NR4A2: variants seen among roughly 807,000 people sequenced by gnomAD.
The protein encoded by NR4A2 is NGFI-B/nur77 beta-type transcription factor homolog.
A neutral mutation model predicts 50.5 loss-of-function variants in NR4A2; 1 was observed. The observed-to-expected ratio is 0.02, with a 90% CI of 0.01 to 0.09. The LOEUF (loss-of-function observed/expected upper bound fraction) is 0.09. NR4A2 is among the 10% of genes least tolerant of loss of function. The pLI, the probability that NR4A2 is intolerant of heterozygous loss-of-function variation, is 1.00. For synonymous variants in NR4A2, 328 were observed against 309.4 expected (o/e 1.06, Z -0.63); for missense variants, 613 against 777.3 (o/e 0.79, Z 2.51).
Position 156,329,834 on chromosome 2 carries a change from C to T in NR4A2, c.353G>A (p.Gly118Glu). 1 of 1,614,136 alleles carries T rather than the reference C, an allele frequency of 6.2e-7. No individual in the cohort carries two copies. Among genetic ancestry groups the T allele is most frequent in the South Asian group, 1.1e-5 (1 of 91,076 alleles). Residue 118 changes from glycine to glutamate, a missense_variant, in exon 3 of 8, where the codon GGG becomes GAG. Physicochemically the swap from Gly to Glu is moderately conservative, Grantham distance 98. Coordinates refer to ENST00000339562, the MANE Select transcript of NR4A2 (RefSeq NM_006186.4). This position sits in a 1 kb window ranked among gnomAD's most constrained non-coding sequence, Gnocchi z 7.5. ...PQSEEMMPHS[G>E]SVYYKPSSPP... is the part of the protein sequence containing the mutation. Reference sequence around the variant, plus strand: ...CGAGGAGGGCTTGTAGTAAACCGACCCGGAGTGCGGCATCATCTCCTCAGA... The same window carrying T: ...CGAGGAGGGCTTGTAGTAAACCGACTCGGAGTGCGGCATCATCTCCTCAGA...
At chr2:156,331,140 A>G (rs1454000997) in intron 1 of NR4A2, among the ~76,000 whole-genome samples, 2 of 152,204 alleles carry the variant, frequency 1.3e-5, no homozygotes, top group African/African-American at 4.8e-5. Context: ...GGACCTGAGT[A>G]TGAAGACTAG....
At position 156,327,029 on chromosome 2, in the gene NR4A2, C is replaced by A. The variant is rs921238551; in HGVS notation, c.1159-109G>T. 5 of 978,672 alleles carry A rather than the reference C, an allele frequency of 5.1e-6. No individual in the cohort carries two copies. In the East Asian group the frequency reaches 9.9e-5, roughly 19 times the overall value. The allele number at this position is 978,672 out of a possible 1,614,324, so 60.6% of individuals were successfully genotyped here. On this transcript the variant is annotated intron_variant, in intron 5 of 7. Transcript: ENST00000339562. ...GAGCCAGGTTTTTATAACAATTAAA[C>A]CTCTCTCTGACCAGTAAGGAAATTA...
Position 156,329,859 on chromosome 2 carries a change from A to T in NR4A2, c.328T>A (p.Ser110Thr), listed in dbSNP as rs1487213200. The T allele has an allele frequency of 1.2e-6, 2 of 1,614,054 alleles. No homozygotes were observed. The highest frequency in any genetic ancestry group is 2.2e-5 in the South Asian group (2 of 91,068). ...YQQHSHLPPQ[S>T]EEMMPHSGSV... ...CCGGAGTGCGGCATCATCTCCTCAG[A>T]CTGGGGGGGCAGGTGGCTGTGTTGC... is the stretch of plus-strand genomic sequence containing the variant. Residue 110 changes from serine (S) to threonine (T), a missense_variant, in exon 3 of 8, where the codon TCT (serine) becomes ACT (threonine). Ser to Thr is a moderately conservative substitution (Grantham distance 58). Transcript: ENST00000339562. The surrounding 1 kb of genome is among the most constrained non-coding windows in gnomAD (Gnocchi z 7.5).
rs530100216 is a variant in NR4A2, at chr2:156,328,092, G to A, written c.995-78C>T. 1.3e-6 allele frequency: 2 copies of A among 1,545,386 alleles called. No homozygotes were observed. Among genetic ancestry groups the A allele is most frequent in the East Asian group, 4.8e-5 (2 of 41,450 alleles). ...CTGCCTCGGTCCCTCCCCGGGGAAG[G>A]CCGCAGCCGCGGGGCACCAGGCTGA... On this transcript the variant is annotated intron_variant, in intron 4 of 7. Coordinates refer to ENST00000339562, the MANE Select transcript of NR4A2 (RefSeq NM_006186.4). The surrounding 1 kb of genome is among the most constrained non-coding windows in gnomAD (Gnocchi z 4.9).
At position 156,325,384 on chromosome 2, in the gene NR4A2, C is replaced by A; in HGVS notation, c.*360G>T. On this transcript the variant is annotated 3_prime_UTR_variant, in exon 8 of 8. Transcript: ENST00000339562. ...TTACATTTGTCTGAACTGCAACAAC[C>A]AAGCATGGCCAAACATTTCCCATTA... 3.0e-6 allele frequency: 1 copy of A among 335,810 alleles called. No homozygotes were observed. Among genetic ancestry groups the A allele is most frequent in the Non-Finnish European group, 5.8e-6 (1 of 172,696 alleles). The allele number at this position is 335,810 out of a possible 1,614,324, so 20.8% of individuals were successfully genotyped here.
chr2:156,329,404 C>T lies in NR4A2; in HGVS notation c.783G>A (p.Gly261=). 1 of 1,611,044 alleles carries T rather than the reference C, an allele frequency of 6.2e-7. No individual in the cohort carries two copies. Among genetic ancestry groups the T allele is most frequent in the Non-Finnish European group, 8.5e-7 (1 of 1,179,376 alleles). Residue 261 remains glycine (G), a synonymous_variant, in exon 3 of 8, where the codon GGG becomes GGA. Transcript: ENST00000339562. This position sits in a 1 kb window ranked among gnomAD's most constrained non-coding sequence, Gnocchi z 7.5. The stretch of plus-strand genomic sequence containing the variant: ...CGTTGTCCCCACACACAGCGCACAG[C>T]CCCTCGTTGGAGGGGGAGCCCCGCG... ...PPSRGSPSNE[G]LCAVCGDNAA... is the part of the protein sequence containing the mutation.
rs781123697 is a variant in NR4A2 at position 156,329,693 on chromosome 2, T to C, written c.494A>G (p.Gln165Arg). The C allele has an allele frequency of 8.7e-6, 14 of 1,613,930 alleles. No individual in the cohort carries two copies. The highest frequency in any genetic ancestry group is 1.1e-5 in the Non-Finnish European group (13 of 1,179,962). The part of the protein sequence containing the change: ...NYVATTHMIE[Q>R]RKTPVSRLSL... ...GAGGCGGGAGACTGGCGTTTTCCTCTGCTCGATCATGTGCGTAGTGGCCAC... is the reference window on the plus strand; with the variant it reads ...GAGGCGGGAGACTGGCGTTTTCCTCCGCTCGATCATGTGCGTAGTGGCCAC... Residue 165 changes from glutamine (Q) to arginine (R), a missense_variant, in exon 3 of 8, where the codon CAG (glutamine) becomes CGG (arginine). Gln to Arg is a conservative substitution (Grantham distance 43). Transcript: ENST00000339562. The surrounding 1 kb of genome is among the most constrained non-coding windows in gnomAD (Gnocchi z 7.5).
In NR4A2 at chr2:156,328,812, G is replaced by C. The variant is rs1385115322; in HGVS notation, c.865-279C>G. Among the ~76,000 whole-genome samples the C allele has an allele frequency of 2.0e-5, 3 of 152,104 alleles. No homozygotes were observed. Among genetic ancestry groups the C allele is most frequent in the Non-Finnish European group, 2.9e-5 (2 of 68,028 alleles). ...TATGCCAAGAGAAGGAGAAGGAGAC[G>C]CTCAGTAAATACAAATCCGTGGGCA... On this transcript the variant is annotated intron_variant, in intron 3 of 7. Coordinates refer to ENST00000339562, the MANE Select transcript of NR4A2 (RefSeq NM_006186.4). The surrounding 1 kb of genome is among the most constrained non-coding windows in gnomAD (Gnocchi z 4.9).
chr2:156,328,303 T>A lies in NR4A2; in HGVS notation c.994+101A>T. The A allele has an allele frequency of 6.4e-7, 1 of 1,574,326 alleles. No individual in the cohort carries two copies. The highest frequency in any genetic ancestry group is 8.7e-7 in the Non-Finnish European group (1 of 1,147,288). The stretch of plus-strand genomic sequence containing the variant: ...TCCTGGAGGCCATACTGAGGGGGAG[T>A]CGGAGATCCCCAGCACCGGGAAGTG... On this transcript the variant is annotated intron_variant, in intron 4 of 7. Coordinates refer to ENST00000339562, the MANE Select transcript of NR4A2 (RefSeq NM_006186.4). This position sits in a 1 kb window ranked among gnomAD's most constrained non-coding sequence, Gnocchi z 4.9.
chr2:156,328,666 T>A lies in NR4A2; in HGVS notation c.865-133A>T. The A allele has an allele frequency of 8.9e-7, 1 of 1,120,114 alleles. No individual in the cohort carries two copies. Among genetic ancestry groups the A allele is most frequent in the Non-Finnish European group, 1.3e-6 (1 of 763,782 alleles). 69.4% of individuals were successfully genotyped at this position (1,120,114 alleles called of 1,614,324 possible). On this transcript the variant is annotated intron_variant, in intron 3 of 7. Coordinates refer to ENST00000339562, the MANE Select transcript of NR4A2 (RefSeq NM_006186.4). The surrounding 1 kb of genome is among the most constrained non-coding windows in gnomAD (Gnocchi z 4.9). The stretch of plus-strand genomic sequence containing the variant: ...AACAAACACATACACACAATTCCAT[T>A]TTATTTTTTTCTCTTCCTTTTCTTT...
In NR4A2 at chr2:156,326,711, T is replaced by G. The variant is rs1190437098; in HGVS notation, c.1361+7A>C. The G allele has an allele frequency of 1.9e-6, 3 of 1,613,748 alleles. No homozygotes were observed. Among genetic ancestry groups the G allele is most frequent in the Non-Finnish European group, 2.5e-6 (3 of 1,179,728 alleles). Reference sequence around the variant, plus strand: ...TCCCTGGATTGTCTCCCTCCCTCCCTTATTACCTGTATGCTAATCGAAGGA... The same window carrying G: ...TCCCTGGATTGTCTCCCTCCCTCCCGTATTACCTGTATGCTAATCGAAGGA... On this transcript the variant is annotated splice_region_variant and intron_variant, in intron 6 of 7. Transcript: ENST00000339562. This position sits in a 1 kb window ranked among gnomAD's most constrained non-coding sequence, Gnocchi z 4.2.
In NR4A2 at chr2:156,330,722, T is replaced by A; in HGVS notation, c.-57A>T. On this transcript the variant is annotated 5_prime_UTR_variant, in exon 2 of 8. Coordinates refer to ENST00000339562, the MANE Select transcript of NR4A2 (RefSeq NM_006186.4). Reference sequence around the variant, plus strand: ...AAATTAAAGGTGGACAGTGTCGTAATTCAATGAAGGACAAAGTTTCCAAGA... The same window carrying A: ...AAATTAAAGGTGGACAGTGTCGTAAATCAATGAAGGACAAAGTTTCCAAGA... 1.2e-5 allele frequency: 15 copies of A among 1,260,670 alleles called. No individual in the cohort carries two copies. Among genetic ancestry groups the A allele is most frequent in the Non-Finnish European group, 1.5e-5 (15 of 1,003,214 alleles). 78.1% of individuals were successfully genotyped at this position (1,260,670 alleles called of 1,614,324 possible).
chr2:156,328,032 T>A lies in NR4A2; in HGVS notation c.995-18A>T. 1.2e-6 allele frequency: 2 copies of A among 1,600,174 alleles called. No homozygotes were observed. The highest frequency in any genetic ancestry group is 1.7e-6 in the Non-Finnish European group (2 of 1,172,590). On this transcript the variant is annotated intron_variant, in intron 4 of 7. Coordinates refer to ENST00000339562, the MANE Select transcript of NR4A2 (RefSeq NM_006186.4). This position sits in a 1 kb window ranked among gnomAD's most constrained non-coding sequence, Gnocchi z 4.9. Reference sequence around the variant, plus strand: ...GCGAACCACTGCAAAGGAAGAGCCCTGTTAGCGCCGCTTTTCCGAGCCCAG... The same window carrying A: ...GCGAACCACTGCAAAGGAAGAGCCCAGTTAGCGCCGCTTTTCCGAGCCCAG...
intron 5 of NR4A2, 25 bp downstream of exon 5, chr2:156,327,826 G>A: frequency 1.9e-6 from 3 of 1,560,004 alleles, no homozygotes; most frequent in Non-Finnish European, 2.6e-6. Context: ...TTGTCCACAT[G>A]ATATCCCCCC....
rs951429486 is a variant in NR4A2, at chr2:156,329,200, G to A, written c.864+123C>T. 5 of 1,407,574 alleles carry A rather than the reference G, an allele frequency of 3.6e-6. No individual in the cohort carries two copies. The South Asian group carries it at 3.7e-5, about 10-fold the overall frequency. The allele number at this position is 1,407,574 out of a possible 1,614,324, so 87.2% of individuals were successfully genotyped here. A position where few individuals can be genotyped will look rare whatever the true frequency, so the allele number is the denominator to read the frequency against. On this transcript the variant is annotated intron_variant, in intron 3 of 7. Coordinates refer to ENST00000339562, the MANE Select transcript of NR4A2 (RefSeq NM_006186.4). The surrounding 1 kb of genome is among the most constrained non-coding windows in gnomAD (Gnocchi z 7.5). ...CTGCAGGGCAGCTTCGGCGGACCCCGGAGAGCTGGGCAGTCCCGGGAGAGC... is the reference window on the plus strand; with the variant it reads ...CTGCAGGGCAGCTTCGGCGGACCCCAGAGAGCTGGGCAGTCCCGGGAGAGC...
In NR4A2 at chr2:156,329,640, G is replaced by A. The variant is rs1339247629; in HGVS notation, c.547C>T (p.Pro183Ser). 1.2e-6 allele frequency: 2 copies of A among 1,613,684 alleles called. No homozygotes were observed. Among genetic ancestry groups the A allele is most frequent in the Admixed American group, 1.7e-5 (1 of 60,028 alleles). ...TGGCAACTAGACACCGGGGTGCCAG[G>A]GGGCGATTGCTTAAAGGAGAAGAGG... ...LSLFSFKQSP[P>S]GTPVSSCQMR... Residue 183 changes from proline to serine, a missense_variant, in exon 3 of 8, where the codon CCT (proline) becomes TCT (serine). Pro to Ser is a moderately conservative substitution (Grantham distance 74, BLOSUM62 -1). This residue lies in a region of NR4A2 where 275 missense variants were observed against 248.9 expected (regional missense o/e 1.10). Transcript: ENST00000339562. The surrounding 1 kb of genome is among the most constrained non-coding windows in gnomAD (Gnocchi z 7.5).
At position 156,329,546 on chromosome 2, in the gene NR4A2, TCCA is replaced by T; in HGVS notation, c.638_640del (p.Val213del). On this transcript the variant is annotated inframe_deletion, in exon 3 of 8. Transcript: ENST00000339562. The surrounding 1 kb of genome is among the most constrained non-coding windows in gnomAD (Gnocchi z 7.5). ...GTTGGGCACAGCGAAGGTCTGCCCG[TCCA>T]CCACGTGGTGGCTGCCGGCGGGCTC... 6.2e-7 allele frequency: 1 copy of T among 1,603,838 alleles called. No homozygotes were observed. The highest frequency in any genetic ancestry group is 8.5e-7 in the Non-Finnish European group (1 of 1,174,336).
At position 156,329,304 on chromosome 2, in the gene NR4A2, C is replaced by T. The variant is rs980830107; in HGVS notation, c.864+19G>A. The T allele has an allele frequency of 6.2e-7, 1 of 1,604,988 alleles. No individual in the cohort carries two copies. Among genetic ancestry groups the T allele is most frequent in the Non-Finnish European group, 8.5e-7 (1 of 1,175,974 alleles). Reference sequence around the variant, plus strand: ...CTAGGGGCTCCCTACCTGCCTACTCCGCTCCCGCCATTGCTCACCTTAAAG... The same window carrying T: ...CTAGGGGCTCCCTACCTGCCTACTCTGCTCCCGCCATTGCTCACCTTAAAG... On this transcript the variant is annotated intron_variant, in intron 3 of 7. Transcript: ENST00000339562. The surrounding 1 kb of genome is among the most constrained non-coding windows in gnomAD (Gnocchi z 7.5).
In NR4A2 at chr2:156,332,588, G is replaced by T; in HGVS notation, c.-235C>A. On this transcript the variant is annotated 5_prime_UTR_variant, in exon 1 of 8. Coordinates refer to ENST00000339562, the MANE Select transcript of NR4A2 (RefSeq NM_006186.4). ...TAGGGGTGGGAGAGCTGGGCGAAGGGAACCCGGACACCTCACGGAGGGAGG... is the reference window on the plus strand; with the variant it reads ...TAGGGGTGGGAGAGCTGGGCGAAGGTAACCCGGACACCTCACGGAGGGAGG... 2.1e-6 allele frequency: 2 copies of T among 937,698 alleles called. No individual in the cohort carries two copies. Among genetic ancestry groups the T allele is most frequent in the Non-Finnish European group, 3.0e-6 (2 of 669,192 alleles). The allele number at this position is 937,698 out of a possible 1,614,324, so 58.1% of individuals were successfully genotyped here. A position where few individuals can be genotyped will look rare whatever the true frequency, so the allele number is the denominator to read the frequency against.
Sources: gnomAD v4.1 joint callset for allele counts (sites outside exome capture counted in the v4.1 genomes callset) on GRCh38, gnomAD v4.1.1 for gene constraint, gnomAD v4.1.1 regional missense constraint, Gnocchi (gnomAD v3.1) non-coding constraint, MANE v1.5 for transcripts, NCBI Gene and HGNC (gene_info 2026-07-23, HGNC 2026-07-21) for gene names.